Variants in PLEKHA6 observed in about 807,000 individuals in gnomAD.
The protein encoded by PLEKHA6 is pleckstrin homology domain-containing family A member 6.
In PLEKHA6, 60 loss-of-function variants were observed where a neutral mutation model predicts 116.7. That is an observed-to-expected ratio of 0.51 (90% CI 0.42 to 0.64). The LOEUF (loss-of-function observed/expected upper bound fraction) is 0.64, where lower values mean the gene tolerates loss of function less well. Ranked by LOEUF, PLEKHA6 falls within the 30% of genes least tolerant of loss-of-function variation. The pLI is 0.00. For synonymous variants in PLEKHA6, 489 were observed against 556.1 expected (o/e 0.88, Z 1.70); for missense variants, 1,338 against 1,422.7 (o/e 0.94, Z 0.96).
In PLEKHA6 at chr1:204,241,493, C is replaced by A; in HGVS notation, c.2303-12G>T. On this transcript the variant is annotated splice_polypyrimidine_tract_variant and intron_variant, in intron 16 of 22. Coordinates refer to ENST00000272203, the MANE Select transcript of PLEKHA6 (RefSeq NM_014935.5). ...GGGCACAACGCCAACTGCAGAAAGA[C>A]AGAGTAGCCAGTGGGCCTCATGGAG... The A allele has an allele frequency of 6.4e-7, 1 of 1,564,350 alleles. No individual in the cohort carries two copies. The highest frequency in any genetic ancestry group is 8.7e-7 in the Non-Finnish European group (1 of 1,150,748).
chr1:204,336,808 A>G (rs1340789231), intron 1 of PLEKHA6, among the ~76,000 whole-genome samples: 1 of 152,196 alleles, frequency 6.6e-6, no homozygotes, highest in Non-Finnish European at 1.5e-5. Flanking sequence ...ACTGGAACAG[A>G]ATCACAAAAG....
intron 1 of PLEKHA6, among the ~76,000 whole-genome samples, chr1:204,352,917 G>A (rs565869298): frequency 1.3e-5 from 2 of 152,104 alleles, no homozygotes; most frequent in Non-Finnish European, 2.9e-5. Context: ...CCTAGGAGGT[G>A]GAGACTACAG....
intron 1 of PLEKHA6, among the ~76,000 whole-genome samples, chr1:204,327,286 C>T (rs1461281797): frequency 6.6e-6 from 1 of 152,236 alleles, no homozygotes; most frequent in Non-Finnish European, 1.5e-5. Flanking sequence ...ACCTCTCCCA[C>T]CCACCTGGCG....
intron 5 of PLEKHA6, among the ~76,000 whole-genome samples, chr1:204,266,585 C>T (rs1274797360): frequency 6.6e-6 from 1 of 152,202 alleles, no homozygotes; most frequent in Non-Finnish European, 1.5e-5. Flanking sequence ...CAGCCCCTTC[C>T]TGATTTCCCT....
chr1:204,286,078 A>C (rs1669144503), intron 1 of PLEKHA6, among the ~76,000 whole-genome samples: 4 of 150,082 alleles, frequency 2.7e-5, no homozygotes. Context: ...CCCACCCAGC[A>C]CTCATCCAGA....
intron 1 of PLEKHA6, among the ~76,000 whole-genome samples, chr1:204,333,133 C>A (rs1229132183): frequency 6.6e-6 from 1 of 152,202 alleles, no homozygotes; most frequent in East Asian, 1.9e-4. Flanking sequence ...GAGCCAGAGG[C>A]CCCCAGCTCC....
chr1:204,263,476 A>G (rs896794859), intron 6 of PLEKHA6, among the ~76,000 whole-genome samples: 8 of 152,090 alleles, frequency 5.3e-5, no homozygotes, highest in African/African-American at 1.9e-4. Context: ...GGGAAGGGCC[A>G]TGGAATAGCC....
At chr1:204,363,096 C>T (rs1673591780), upstream of PLEKHA6, among the ~76,000 whole-genome samples, 1 of 152,246 alleles carries the variant, frequency 6.6e-6, no homozygotes, top group African/African-American at 2.4e-5. Context: ...TGTGCTCTGT[C>T]CTGTCTGCCT....
chr1:204,274,901 C>CAGGT, intron 1 of PLEKHA6, 92 bp from the exon 2 acceptor site: 2 of 974,810 alleles, frequency 2.1e-6, no homozygotes, highest in Non-Finnish European at 2.4e-6. Context: ...GTGACAGGGA[C>CAGGT]AGGTGATCAT....
chr1:204,268,592 T>C (rs1020300583), intron 3 of PLEKHA6, among the ~76,000 whole-genome samples: 1 of 151,294 alleles, frequency 6.6e-6, no homozygotes, highest in African/African-American at 2.4e-5. Flanking sequence ...TTTTTTTTTT[T>C]TGGAGGTGAA....
chr1:204,230,590 C>T lies in PLEKHA6; in HGVS notation c.2410-4G>A. ...ACACAGCACTCTTGGGGCGTTCCTG[C>T]TGCCATGGGAAAACAGGGCTCTGAC... On this transcript the variant is annotated splice_region_variant and splice_polypyrimidine_tract_variant and intron_variant, in intron 17 of 22. Transcript: ENST00000272203. The T allele has an allele frequency of 6.3e-7, 1 of 1,596,164 alleles. No individual in the cohort carries two copies. Among genetic ancestry groups the T allele is most frequent in the South Asian group, 1.1e-5 (1 of 87,706 alleles).
chr1:204,281,038 C>G, intron 1 of PLEKHA6: 1 of 979,318 alleles, frequency 1.0e-6, no homozygotes, highest in South Asian at 4.7e-5. Context: ...ACAACACTGC[C>G]TTAGCCAGGC....
intron 3 of PLEKHA6, among the ~76,000 whole-genome samples, chr1:204,270,985 G>A (rs113734756): frequency 2.0e-5 from 3 of 152,256 alleles, no homozygotes; most frequent in African/African-American, 4.8e-5. Context: ...CCCACTCCAC[G>A]AAGTCCTGAT....
intron 1 of PLEKHA6, among the ~76,000 whole-genome samples, chr1:204,285,474 T>TTTTTGA (rs1019351819): frequency 1.5e-5 from 2 of 129,444 alleles, no homozygotes; most frequent in African/African-American, 5.4e-5. Context: ...TTTTTGGTTG[T>TTTTTGA]TTTTGTTTTT....
chr1:204,360,275 G>A (rs562210883), upstream of PLEKHA6, among the ~76,000 whole-genome samples: 194 of 149,360 alleles, frequency 1.3e-3, no homozygotes, highest in South Asian at 5.6e-3. Context: ...GCCTCACCCA[G>A]CCAGCCTGGT....
chr1:204,230,030 G>A (rs1436658518), intron 18 of PLEKHA6, among the ~76,000 whole-genome samples: 1 of 152,248 alleles, frequency 6.6e-6, no homozygotes, highest in Non-Finnish European at 1.5e-5. Context: ...GCAATGGTGA[G>A]CTATTATGAT....
chr1:204,309,093 T>C (rs1671550777), intron 1 of PLEKHA6: 1 of 971,786 alleles, frequency 1.0e-6, no homozygotes, highest in Admixed American at 6.2e-5. Context: ...ACATCCATAG[T>C]TTACTTTGTA....
At position 204,249,208 on chromosome 1, in the gene PLEKHA6, C is replaced by T. The variant is rs1334124690; in HGVS notation, c.1650G>A (p.Leu550=). ...CCTTCTCAGCTCGGAGCTGCTGCACCAGCCGGTCCTGCTCCCTCACCACCT... is the reference window on the plus strand; with the variant it reads ...CCTTCTCAGCTCGGAGCTGCTGCACTAGCCGGTCCTGCTCCCTCACCACCT... The part of the protein sequence containing the change: ...QNKVVREQDR[L]VQQLRAEKES... Residue 550 remains leucine, a synonymous_variant, in exon 11 of 23, where the codon CTG becomes CTA. Transcript: ENST00000272203. 11 of 1,613,994 alleles carry T rather than the reference C, an allele frequency of 6.8e-6. No individual in the cohort carries two copies. Among genetic ancestry groups the T allele is most frequent in the South Asian group, 1.1e-5 (1 of 91,070 alleles).
chr1:204,325,037 C>T (rs1212817694), intron 1 of PLEKHA6, among the ~76,000 whole-genome samples: 1 of 152,162 alleles, frequency 6.6e-6, no homozygotes, highest in African/African-American at 2.4e-5. Context: ...CCTGCCTCAG[C>T]CTCCCAGGAA....
Sources: gnomAD v4.1 joint callset for allele counts (sites outside exome capture counted in the v4.1 genomes callset) on GRCh38, gnomAD v4.1.1 for gene constraint, MANE v1.5 for transcripts, NCBI Gene and HGNC (gene_info 2026-07-23, HGNC 2026-07-21) for gene names.